The following KCTD16 variants were observed in gnomAD, a reference collection of about 807,000 sequenced individuals.
KCTD16 encodes the protein BTB/POZ domain-containing protein KCTD16.
A neutral mutation model predicts 33.2 loss-of-function variants in KCTD16; 13 were observed. That is an observed-to-expected ratio of 0.39 (90% CI 0.25 to 0.62). KCTD16 has a LOEUF of 0.62. KCTD16 is among the 20% of genes least tolerant of loss of function. KCTD16 has a pLI of 0.50. For synonymous variants in KCTD16, 197 were observed against 195.3 expected (o/e 1.01, Z -0.07); for missense variants, 441 against 525.1 (o/e 0.84, Z 1.57).
rs1266947881 is a variant in KCTD16 at position 144,478,380 on chromosome 5, C to G, written c.*4266C>G. The stretch of plus-strand genomic sequence containing the variant: ...GAGTCTTAAACTTTAATAATCACAG[C>G]CTTGTGATGCAAACACAGAGCTTAT... On this transcript the variant is annotated 3_prime_UTR_variant, in exon 4 of 4. Coordinates refer to ENST00000512467, the MANE Select transcript of KCTD16 (RefSeq NM_020768.4). 1 of 152,000 alleles carries G rather than the reference C, an allele frequency of 6.6e-6. No homozygotes were observed. Among genetic ancestry groups the G allele is most frequent in the East Asian group, 1.9e-4 (1 of 5,184 alleles). The allele number at this position is 152,000 out of a possible 1,614,324, so 9.4% of individuals were successfully genotyped here. A position where few individuals can be genotyped will look rare whatever the true frequency, so the allele number is the denominator to read the frequency against.
chr5:144,230,225 T>C (rs1754061636), intron 3 of KCTD16, among the ~76,000 whole-genome samples: 1 of 152,232 alleles, frequency 6.6e-6, no homozygotes, highest in African/African-American at 2.4e-5. Context: ...TTGTATGGAA[T>C]TGCAGTTGAG....
At chr5:144,349,133 A>G (rs1208757995) in intron 3 of KCTD16, among the ~76,000 whole-genome samples, 1 of 152,196 alleles carries the variant, frequency 6.6e-6, no homozygotes, top group Non-Finnish European at 1.5e-5. Context: ...TAAGAATAAA[A>G]CAAAATGTTT....
rs116858281 is a variant in KCTD16, at chr5:144,333,103, C to A, written c.832+125557C>A. ...AGATGAGATTTGAGTGGGGACACAG[C>A]CAAACCATATCATCTTACTATTTTA... On this transcript the variant is annotated intron_variant, in intron 3 of 3. Coordinates refer to ENST00000512467, the MANE Select transcript of KCTD16 (RefSeq NM_020768.4). 1.6e-3 allele frequency among the ~76,000 whole-genome samples: 247 copies of A among 152,256 alleles called. 1 individual carries two copies. In the East Asian group the frequency reaches 0.024, roughly 15 times the overall value.
intron 3 of KCTD16, among the ~76,000 whole-genome samples, chr5:144,241,276 A>AT (rs1754397499): frequency 6.6e-6 from 1 of 152,226 alleles, no homozygotes; most frequent in South Asian, 2.1e-4. Flanking sequence ...TTCTCAAAAC[A>AT]TTTTTCAGAA....
intron 3 of KCTD16, among the ~76,000 whole-genome samples, chr5:144,278,576 C>A (rs569646033): frequency 3.3e-4 from 48 of 145,626 alleles, no homozygotes; most frequent in Non-Finnish European, 3.4e-4. Context: ...TGGCTCACTG[C>A]AAGCTCCGCT....
chr5:144,245,492 C>G (rs1027965267), intron 3 of KCTD16, among the ~76,000 whole-genome samples: 21 of 152,124 alleles, frequency 1.4e-4, no homozygotes, highest in African/African-American at 4.8e-4. Context: ...AGAAGAATGA[C>G]ATGTCTGAAG....
intron 3 of KCTD16, among the ~76,000 whole-genome samples, chr5:144,313,431 A>G (rs1751822994): frequency 6.6e-6 from 1 of 152,306 alleles, no homozygotes; most frequent in South Asian, 2.1e-4. Context: ...TGTTTCATGA[A>G]TAACCCTTAG....
chr5:144,296,771 G>A (rs767327284), intron 3 of KCTD16, among the ~76,000 whole-genome samples: 15 of 151,934 alleles, frequency 9.9e-5, no homozygotes, highest in Middle Eastern at 6.8e-3. Context: ...AAAAAAATAG[G>A]CTAAAAAGTA....
chr5:144,458,783 A>G (rs1399839033), intron 3 of KCTD16, among the ~76,000 whole-genome samples: 1 of 152,204 alleles, frequency 6.6e-6, no homozygotes, highest in African/African-American at 2.4e-5. Context: ...ATCAGAGTAC[A>G]GGGCTCTCTT....
intron 3 of KCTD16, among the ~76,000 whole-genome samples, chr5:144,261,220 C>T (rs956747822): frequency 2.7e-5 from 4 of 149,424 alleles, no homozygotes; most frequent in African/African-American, 9.8e-5. Context: ...GAGGGAACAC[C>T]TCCCAGGAAA....
chr5:144,292,321 C>A (rs1413571188), intron 3 of KCTD16, among the ~76,000 whole-genome samples: 1 of 152,066 alleles, frequency 6.6e-6, no homozygotes, highest in Non-Finnish European at 1.5e-5. Flanking sequence ...TTGAGCAGAG[C>A]ATGGTTTGGT....
intron 3 of KCTD16, among the ~76,000 whole-genome samples, chr5:144,369,718 C>T (rs1427647252): frequency 6.6e-6 from 1 of 152,118 alleles, no homozygotes; most frequent in African/African-American, 2.4e-5. Context: ...CAATCTAAAT[C>T]TAATCTCCTT....
chr5:144,180,850 T>G (rs1284307543), intron 2 of KCTD16, among the ~76,000 whole-genome samples: 3 of 152,238 alleles, frequency 2.0e-5, no homozygotes, highest in African/African-American at 7.2e-5. Flanking sequence ...TGTGATATTC[T>G]GAGGCATTCT....
At chr5:144,468,329 C>T (rs349685) in intron 3 of KCTD16, among the ~76,000 whole-genome samples, 65,284 of 151,996 alleles carry the variant, frequency 0.43, 14,254 homozygotes, top group East Asian at 0.67. Context: ...CCAATACTTA[C>T]GTTAAATTCT....
At chr5:144,193,515 CA>C (rs961694806) in intron 2 of KCTD16, among the ~76,000 whole-genome samples, 2 of 152,100 alleles carry the variant, frequency 1.3e-5, no homozygotes, top group Middle Eastern at 6.8e-3. Context: ...CTCCTTGCCC[CA>C]AACAAGATTT....
At chr5:144,313,902 GA>G (rs755983759) in intron 3 of KCTD16, among the ~76,000 whole-genome samples, 2 of 152,086 alleles carry the variant, frequency 1.3e-5, no homozygotes, top group Non-Finnish European at 2.9e-5. Flanking sequence ...TTTTCACATT[GA>G]AAAGAATCTG....
chr5:144,275,122 TA>T (rs1335239610), intron 3 of KCTD16, among the ~76,000 whole-genome samples: 1 of 151,700 alleles, frequency 6.6e-6, no homozygotes, highest in Non-Finnish European at 1.5e-5. Flanking sequence ...GTGTAGATGC[TA>T]AAATTAAAAT....
intron 3 of KCTD16, among the ~76,000 whole-genome samples, chr5:144,397,449 T>C (rs531070460): frequency 4.4e-4 from 67 of 152,298 alleles, no homozygotes; most frequent in African/African-American, 1.6e-3. Flanking sequence ...AGTAATGGGA[T>C]GGCTGGGTCA....
intron 3 of KCTD16, among the ~76,000 whole-genome samples, chr5:144,209,311 T>C (rs1753292229): frequency 6.6e-6 from 1 of 152,174 alleles, no homozygotes; most frequent in South Asian, 2.1e-4. Flanking sequence ...GGCTCATCTG[T>C]CCAACACGAT....
Sources: gnomAD v4.1 joint callset for allele counts (sites outside exome capture counted in the v4.1 genomes callset) on GRCh38, gnomAD v4.1.1 for gene constraint, MANE v1.5 for transcripts, NCBI Gene and HGNC (gene_info 2026-07-23, HGNC 2026-07-21) for gene names.